RABGAP1: variants seen among roughly 807,000 people sequenced by gnomAD.
The protein encoded by RABGAP1 is rab GTPase-activating protein 1.
In RABGAP1, 23 loss-of-function variants were observed where a neutral mutation model predicts 137.6. The ratio of observed to expected loss-of-function variants is 0.17; its 90% CI spans 0.12 to 0.24. RABGAP1 has a LOEUF of 0.24. RABGAP1 is among the 10% of genes least tolerant of loss of function. The pLI, the probability that RABGAP1 is intolerant of heterozygous loss-of-function variation, is 1.00. For missense variants in RABGAP1, 906 were observed against 1,275.8 expected, an observed-to-expected ratio of 0.71 and a Z score of 4.42; for synonymous variants, 451 against 450.7, an observed-to-expected ratio of 1.00 and a Z score of -0.01.
intron 13 of RABGAP1, among the ~76,000 whole-genome samples, chr9:123,047,799 C>T (rs185722503): frequency 1.2e-4 from 18 of 151,942 alleles, no homozygotes; most frequent in Admixed American, 1.2e-3. Flanking sequence ...ATTCTTAATG[C>T]AGTGCAGCAG....
intron 10 of RABGAP1, among the ~76,000 whole-genome samples, chr9:123,003,381 C>G (rs1169540515): frequency 6.6e-6 from 1 of 152,114 alleles, no homozygotes; most frequent in Non-Finnish European, 1.5e-5. Flanking sequence ...AGGACACTCT[C>G]CAGAGAAACA....
At chr9:123,029,677 G>C (rs1467788180) in intron 13 of RABGAP1, 1 of 693,728 alleles carries the variant, frequency 1.4e-6, no homozygotes, top group Non-Finnish European at 2.7e-6. Context: ...CTTGCCCCCG[G>C]GTTTGTTCAC....
chr9:123,026,352 T>C (rs2031969183), intron 13 of RABGAP1, among the ~76,000 whole-genome samples: 1 of 152,194 alleles, frequency 6.6e-6, no homozygotes, highest in African/African-American at 2.4e-5. Flanking sequence ...TTTAAGTGGT[T>C]TCCTTCTATC....
intron 19 of RABGAP1, among the ~76,000 whole-genome samples, chr9:123,080,324 G>C (rs2034667032): frequency 1.3e-5 from 2 of 152,122 alleles, no homozygotes; most frequent in African/African-American, 4.8e-5. Flanking sequence ...GTACACTTTG[G>C]ATGTTTCCCC....
intron 1 of RABGAP1, among the ~76,000 whole-genome samples, chr9:122,943,141 CT>C (rs1564345886): frequency 7.6e-6 from 1 of 130,996 alleles, no homozygotes; most frequent in Non-Finnish European, 1.5e-5. Context: ...CTGGAGTGAT[CT>C]TGGCTCACTG....
At chr9:122,974,200 CTG>C (rs1835635027) in intron 2 of RABGAP1, among the ~76,000 whole-genome samples, 2 of 151,878 alleles carry the variant, frequency 1.3e-5, no homozygotes, top group African/African-American at 4.8e-5. Flanking sequence ...TATGAGCGAA[CTG>C]TGTGAGAATG....
rs144695787 is a variant in RABGAP1, at chr9:123,022,660, C to T, written c.1794+2201C>T. Among the ~76,000 whole-genome samples, 1,341 of 152,266 alleles carry T rather than the reference C, an allele frequency of 8.8e-3. 16 individuals carry two copies. Among genetic ancestry groups the T allele is most frequent in the African/African-American group, 0.03 (1,267 of 41,558 alleles). On this transcript the variant is annotated intron_variant, in intron 13 of 25. Coordinates refer to ENST00000373647, the MANE Select transcript of RABGAP1 (RefSeq NM_012197.4). ...GACCTCATGATCCGCCCGCCTCGAC[C>T]TCCCAAAGTGCTGGGATTACAAGTG...
chr9:122,996,709 ATCTTGTAAGCTAT>A, intron 8 of RABGAP1, 104 bp downstream of exon 8: 1 of 968,764 alleles, frequency 1.0e-6, no homozygotes, highest in South Asian at 1.6e-5. Flanking sequence ...TAAGAAGGTG[ATCTTGTAAGCTAT>A]AAAGACAACA....
intron 2 of RABGAP1, among the ~76,000 whole-genome samples, chr9:122,957,746 G>A (rs551309194): frequency 1.3e-5 from 2 of 152,124 alleles, no homozygotes; most frequent in Middle Eastern, 3.4e-3. Context: ...CTTTAAAAAT[G>A]TTTTAATTCC....
intron 2 of RABGAP1, among the ~76,000 whole-genome samples, chr9:122,965,984 G>A (rs1033886800): frequency 6.6e-6 from 1 of 152,056 alleles, no homozygotes; most frequent in African/African-American, 2.4e-5. Flanking sequence ...CTAGATTTTG[G>A]CCTGAGCTGT....
At chr9:122,973,756 T>C (rs541651659) in intron 2 of RABGAP1, among the ~76,000 whole-genome samples, 8 of 151,524 alleles carry the variant, frequency 5.3e-5, no homozygotes, top group Non-Finnish European at 8.8e-5. Flanking sequence ...ACGCCTGTAA[T>C]CCCAGCACTT....
chr9:122,968,287 A>T (rs567654659), intron 2 of RABGAP1, among the ~76,000 whole-genome samples: 66 of 147,928 alleles, frequency 4.5e-4, no homozygotes, highest in African/African-American at 1.6e-3. Flanking sequence ...CAGTGGTGCA[A>T]TCTCAGCTCA....
At chr9:122,988,268 G>A (rs1009713247) in intron 4 of RABGAP1, among the ~76,000 whole-genome samples, 2 of 152,118 alleles carry the variant, frequency 1.3e-5, no homozygotes, top group African/African-American at 4.8e-5. Context: ...CTCTTCCTAG[G>A]TATTTCCGTG....
intron 13 of RABGAP1, among the ~76,000 whole-genome samples, chr9:123,045,479 T>C (rs1433168642): frequency 6.6e-6 from 1 of 152,188 alleles, no homozygotes; most frequent in Non-Finnish European, 1.5e-5. Flanking sequence ...TTATATATCA[T>C]TAACATCATT....
At chr9:122,937,197 A>G (rs566672212), upstream of RABGAP1, among the ~76,000 whole-genome samples, 8 of 152,262 alleles carry the variant, frequency 5.3e-5, no homozygotes, top group Non-Finnish European at 1.0e-4. Context: ...AGTATGGTCA[A>G]TTCAGAAGAA....
At chr9:123,031,704 C>T (rs2032310682) in intron 13 of RABGAP1, among the ~76,000 whole-genome samples, 1 of 152,014 alleles carries the variant, frequency 6.6e-6, no homozygotes, top group Non-Finnish European at 1.5e-5. Context: ...AGTTTCATAC[C>T]GGAGTGCCTG....
intron 13 of RABGAP1, among the ~76,000 whole-genome samples, chr9:123,031,312 A>G (rs1262253163): frequency 2.0e-5 from 3 of 152,172 alleles, no homozygotes; most frequent in Non-Finnish European, 4.4e-5. Flanking sequence ...CGTATTTATT[A>G]AGGTGCTCAG....
chr9:123,020,663 C>T (rs2031568530), intron 13 of RABGAP1, among the ~76,000 whole-genome samples: 1 of 152,158 alleles, frequency 6.6e-6, no homozygotes, highest in African/African-American at 2.4e-5. Flanking sequence ...ACCTCAGAGA[C>T]CAAAGGTGTC....
chr9:122,941,337 A>C (rs940071037), intron 1 of RABGAP1, among the ~76,000 whole-genome samples: 3 of 152,196 alleles, frequency 2.0e-5, no homozygotes, highest in African/African-American at 7.2e-5. Flanking sequence ...GCCCCTGCCC[A>C]AACCGGTTCC....
Sources: gnomAD v4.1 joint callset for allele counts (sites outside exome capture counted in the v4.1 genomes callset) on GRCh38, gnomAD v4.1.1 for gene constraint, MANE v1.5 for transcripts, NCBI Gene and HGNC (gene_info 2026-07-23, HGNC 2026-07-21) for gene names.